Variants in MBD5 observed in about 807,000 individuals in gnomAD.
MBD5 encodes the protein methyl-CpG-binding domain protein 5.
MBD5 carries 13 observed loss-of-function variants against 117.3 expected under a neutral mutation model. The observed-to-expected ratio is 0.11, with a 90% CI of 0.07 to 0.18. The LOEUF (loss-of-function observed/expected upper bound fraction) is 0.18, where lower values mean the gene tolerates loss of function less well. MBD5 is among the 10% of genes least tolerant of loss of function. MBD5 has a pLI of 1.00. For synonymous variants in MBD5, 727 were observed against 766.4 expected (o/e 0.95, Z 0.85); for missense variants, 1,879 against 2,093.8 (o/e 0.90, Z 2.00).
chr2:148,379,950 G>A (rs2105425745), intron 4 of MBD5, among the ~76,000 whole-genome samples: 1 of 152,206 alleles, frequency 6.6e-6, no homozygotes, highest in South Asian at 2.1e-4. Flanking sequence ...GGCACAAACA[G>A]AAAGCAAAAA....
At chr2:148,403,565 A>G (rs1307661786) in intron 4 of MBD5, among the ~76,000 whole-genome samples, 1 of 152,228 alleles carries the variant, frequency 6.6e-6, no homozygotes, top group African/African-American at 2.4e-5. Flanking sequence ...CTAAAAATTT[A>G]ATTGATTTAA....
chr2:148,091,334 G>T (rs1695934756), intron 1 of MBD5, among the ~76,000 whole-genome samples: 1 of 151,982 alleles, frequency 6.6e-6, no homozygotes, highest in Non-Finnish European at 1.5e-5. Flanking sequence ...AACCAAAAAA[G>T]AACCCGCATA....
intron 4 of MBD5, among the ~76,000 whole-genome samples, chr2:148,447,172 GAAGAAGGAAAGA>G (rs1272671113): frequency 3.6e-4 from 23 of 63,668 alleles, no homozygotes; most frequent in African/African-American, 1.5e-3. Flanking sequence ...AGGAAGAAAG[GAAGAAGGAAAGA>G]AAGAAAGAAA....
intron 4 of MBD5, among the ~76,000 whole-genome samples, chr2:148,437,596 T>C (rs1706192323): frequency 6.6e-6 from 1 of 152,034 alleles, no homozygotes; most frequent in Non-Finnish European, 1.5e-5. Flanking sequence ...GAGGATCTAT[T>C]TGATAAACAA....
rs1389630104 is a variant in MBD5 at position 148,021,131 on chromosome 2, G to A, written c.-1478G>A. 6.6e-6 allele frequency: 1 copy of A among 151,818 alleles called. No homozygotes were observed. Among genetic ancestry groups the A allele is most frequent in the Non-Finnish European group, 1.5e-5 (1 of 68,620 alleles). 9.4% of individuals were successfully genotyped at this position (151,818 alleles called of 1,614,324 possible). A position where few individuals can be genotyped will look rare whatever the true frequency, so the allele number is the denominator to read the frequency against. Reference sequence around the variant, plus strand: ...AGCAGCAGCAGCAGCTGATGATGAAGAGAGAGGCAGTGGCAGAGGGGGGGC... The same window carrying A: ...AGCAGCAGCAGCAGCTGATGATGAAAAGAGAGGCAGTGGCAGAGGGGGGGC... On this transcript the variant is annotated 5_prime_UTR_variant, in exon 1 of 14. Transcript: ENST00000642680.
At chr2:148,500,248 AGTGTGCCT>A (rs1211662868) in intron 11 of MBD5, among the ~76,000 whole-genome samples, 3 of 151,906 alleles carry the variant, frequency 2.0e-5, no homozygotes, top group Non-Finnish European at 2.9e-5. Flanking sequence ...TAAATTTTTG[AGTGTGCCT>A]GTGTGTGTGT....
chr2:148,087,544 CTT>C (rs1193500796), intron 1 of MBD5, among the ~76,000 whole-genome samples: 1 of 152,216 alleles, frequency 6.6e-6, no homozygotes, highest in Non-Finnish European at 1.5e-5. Flanking sequence ...TCACAGGACT[CTT>C]TGCAGACATT....
At chr2:148,096,905 G>T (rs867342440) in intron 1 of MBD5, among the ~76,000 whole-genome samples, 1 of 152,006 alleles carries the variant, frequency 6.6e-6, no homozygotes, top group Non-Finnish European at 1.5e-5. Flanking sequence ...AACTTTCAAG[G>T]AAACCAGGGT....
intron 4 of MBD5, among the ~76,000 whole-genome samples, chr2:148,384,157 GA>G (rs1389169070): frequency 6.6e-6 from 1 of 152,110 alleles, no homozygotes; most frequent in Non-Finnish European, 1.5e-5. Flanking sequence ...ATTAGGAAAA[GA>G]GGAAGTCAAA....
chr2:148,206,260 T>G (rs988448628), intron 2 of MBD5, among the ~76,000 whole-genome samples: 1 of 152,164 alleles, frequency 6.6e-6, no homozygotes, highest in Non-Finnish European at 1.5e-5. Context: ...AGATGCCCAC[T>G]GTCACATTAT....
intron 4 of MBD5, among the ~76,000 whole-genome samples, chr2:148,452,843 G>A (rs1706769229): frequency 6.6e-6 from 1 of 152,100 alleles, no homozygotes; most frequent in Non-Finnish European, 1.5e-5. Flanking sequence ...GATCATCAGG[G>A]AAAAATCTAG....
intron 1 of MBD5, among the ~76,000 whole-genome samples, chr2:148,058,968 A>C (rs1291952115): frequency 2.0e-5 from 3 of 152,184 alleles, no homozygotes; most frequent in African/African-American, 7.2e-5. Flanking sequence ...TGTTTTATGA[A>C]GTGTATTTGA....
intron 1 of MBD5, among the ~76,000 whole-genome samples, chr2:148,030,229 C>G (rs1206309671): frequency 6.6e-6 from 1 of 151,884 alleles, no homozygotes; most frequent in Non-Finnish European, 1.5e-5. Flanking sequence ...GTGCAGAGAT[C>G]ATGCCACTGC....
chr2:148,062,814 A>G (rs1291252664), intron 1 of MBD5, among the ~76,000 whole-genome samples: 1 of 152,102 alleles, frequency 6.6e-6, no homozygotes, highest in Non-Finnish European at 1.5e-5. Context: ...GAAAAAAATC[A>G]CACTCTTTTT....
chr2:148,474,942 T>G (rs1478730816), intron 8 of MBD5, among the ~76,000 whole-genome samples: 1 of 152,134 alleles, frequency 6.6e-6, no homozygotes, highest in Non-Finnish European at 1.5e-5. Context: ...AAGGGAGTTG[T>G]CATCCCTGTT....
At position 148,198,797 on chromosome 2, in the gene MBD5, A is replaced by G. The variant is rs958443216; in HGVS notation, c.-831+20004A>G. 2.0e-5 allele frequency among the ~76,000 whole-genome samples: 3 copies of G among 152,070 alleles called. No homozygotes were observed. In the East Asian group the frequency reaches 5.8e-4, roughly 29 times the overall value. ...TATTCCATCAAGAAAGCATCGTGCT[A>G]TGAGCTATATTAAACACAGGGATCA... On this transcript the variant is annotated intron_variant, in intron 2 of 13. Transcript: ENST00000642680.
intron 1 of MBD5, among the ~76,000 whole-genome samples, chr2:148,098,887 C>CAATAA (rs1157565177): frequency 2.0e-5 from 3 of 151,748 alleles, no homozygotes; most frequent in Admixed American, 6.6e-5. Context: ...CCTGTCTCTA[C>CAATAA]AATAAAATAA....
chr2:148,359,406 A>G (rs192853822), intron 4 of MBD5, among the ~76,000 whole-genome samples: 1 of 152,164 alleles, frequency 6.6e-6, no homozygotes, highest in South Asian at 2.1e-4. Context: ...TTTGTGCTAT[A>G]TACCCATTTT....
At position 148,349,530 on chromosome 2, in the gene MBD5, TCA is replaced by T. The variant is rs1574320817; in HGVS notation, c.-557+7199_-557+7200del. On this transcript the variant is annotated intron_variant, in intron 4 of 13. Transcript: ENST00000642680. ...TATGTTTTTAAAAAGTGGGTGTCAT[TCA>T]CACAACTTAAGTCACAACGTGTTAA... 3.9e-5 allele frequency among the ~76,000 whole-genome samples: 6 copies of T among 152,110 alleles called. No individual in the cohort carries two copies. In the East Asian group the frequency reaches 1.2e-3, roughly 29 times the overall value.
Sources: gnomAD v4.1 joint callset for allele counts (sites outside exome capture counted in the v4.1 genomes callset) on GRCh38, gnomAD v4.1.1 for gene constraint, MANE v1.5 for transcripts, NCBI Gene and HGNC (gene_info 2026-07-23, HGNC 2026-07-21) for gene names.